The following CMSS1 variants were observed in gnomAD, a reference collection of about 807,000 sequenced individuals.
CMSS1 encodes the protein cms1 ribosomal small subunit homolog.
A neutral mutation model predicts 43.5 loss-of-function variants in CMSS1; 33 were observed. The observed-to-expected ratio is 0.76, with a 90% CI of 0.57 to 1.01. The LOEUF (loss-of-function observed/expected upper bound fraction) is 1.01. Ranked by LOEUF, CMSS1 falls within the 50% of genes least tolerant of loss-of-function variation. The pLI, the probability that CMSS1 is intolerant of heterozygous loss-of-function variation, is 0.00. For synonymous variants in CMSS1, 115 were observed against 117.2 expected (o/e 0.98, Z 0.12); for missense variants, 313 against 326.4 (o/e 0.96, Z 0.32).
At chr3:100,022,591 A>T (rs1419349612) in intron 1 of CMSS1, among the ~76,000 whole-genome samples, 5 of 152,228 alleles carry the variant, frequency 3.3e-5, no homozygotes, top group African/African-American at 1.2e-4. Context: ...TCACAAGTAC[A>T]TTCATGGAAT....
intron 1 of CMSS1, among the ~76,000 whole-genome samples, chr3:100,048,477 G>A (rs367680118): frequency 7.8e-4 from 119 of 152,228 alleles, no homozygotes; most frequent in Middle Eastern, 6.8e-3. Context: ...GCTGTGACAC[G>A]GAGCTCACTC....
intron 1 of CMSS1, among the ~76,000 whole-genome samples, chr3:99,937,323 C>T (rs534587984): frequency 2.1e-4 from 32 of 152,320 alleles, no homozygotes; most frequent in Admixed American, 4.6e-4. Flanking sequence ...AACATAAATT[C>T]ACAAACCCCT....
chr3:100,178,263 G>T (rs1202523784), intron 9 of CMSS1, 42 bp from the exon 10 acceptor site: 1 of 1,296,558 alleles, frequency 7.7e-7, no homozygotes, highest in Non-Finnish European at 1.1e-6. Context: ...GACCATTTTG[G>T]CTTGATCTTA....
chr3:99,947,742 G>GA (rs1448465235), intron 1 of CMSS1, among the ~76,000 whole-genome samples: 1 of 152,122 alleles, frequency 6.6e-6, no homozygotes, highest in Non-Finnish European at 1.5e-5. Flanking sequence ...AAGGTAAAAA[G>GA]AAAAATAGAA....
intron 1 of CMSS1, among the ~76,000 whole-genome samples, chr3:100,027,409 A>G (rs982809780): frequency 1.3e-5 from 2 of 152,190 alleles, no homozygotes; most frequent in African/African-American, 4.8e-5. Flanking sequence ...ACTCTTCAAT[A>G]GGCCAAACCT....
intron 1 of CMSS1, among the ~76,000 whole-genome samples, chr3:99,959,650 T>G (rs1221363909): frequency 6.6e-6 from 1 of 152,170 alleles, no homozygotes; most frequent in East Asian, 1.9e-4. Context: ...CTATAGCCTT[T>G]TAGAGATGGA....
At chr3:99,931,084 G>A (rs1297373962) in intron 1 of CMSS1, 1 of 1,455,940 alleles carries the variant, frequency 6.9e-7, no homozygotes, top group Non-Finnish European at 9.5e-7. Flanking sequence ...GTTTTAATAA[G>A]AGTACCTATT....
intron 1 of CMSS1, among the ~76,000 whole-genome samples, chr3:100,070,734 C>A (rs1422373520): frequency 6.6e-6 from 1 of 152,168 alleles, no homozygotes; most frequent in Non-Finnish European, 1.5e-5. Context: ...CGGGTTCAAG[C>A]AGTTCTCCTG....
At chr3:100,040,936 G>A (rs1374883387) in intron 1 of CMSS1, 3 of 152,104 alleles carry the variant, frequency 2.0e-5, no homozygotes, top group African/African-American at 7.2e-5. Flanking sequence ...ATTTTAAAAA[G>A]AAAAAGGTTT....
At chr3:99,828,859 C>T (rs1456683067) in intron 1 of CMSS1, among the ~76,000 whole-genome samples, 2 of 152,048 alleles carry the variant, frequency 1.3e-5, no homozygotes, top group Non-Finnish European at 2.9e-5. Flanking sequence ...CCTCCCCCTA[C>T]TGCCCTCTGC....
intron 1 of CMSS1, among the ~76,000 whole-genome samples, chr3:99,950,414 T>A (rs775843318): frequency 9.2e-5 from 14 of 152,184 alleles, no homozygotes; most frequent in Admixed American, 2.0e-4. Context: ...GTTAAGTAAG[T>A]TGCCCAAAGC....
intron 8 of CMSS1, among the ~76,000 whole-genome samples, chr3:100,173,636 A>G (rs1367504315): frequency 6.6e-6 from 1 of 152,242 alleles, no homozygotes; most frequent in Non-Finnish European, 1.5e-5. Flanking sequence ...TCTGCAGGGC[A>G]GGGTCTTTAA....
At chr3:100,066,532 T>C (rs1222276983) in intron 1 of CMSS1, among the ~76,000 whole-genome samples, 1 of 81,060 alleles carries the variant, frequency 1.2e-5, no homozygotes, top group East Asian at 3.2e-4. Context: ...TTTTTTTTTT[T>C]TTTTTTTTTT....
At chr3:100,160,623 T>A in intron 3 of CMSS1, 122 bp downstream of exon 3, 1 of 589,784 alleles carries the variant, frequency 1.7e-6, no homozygotes, top group South Asian at 2.1e-5. Context: ...CATTGTAAGA[T>A]TCTTTGAGGT....
intron 1 of CMSS1, among the ~76,000 whole-genome samples, chr3:99,961,798 C>T (rs926101689): frequency 1.3e-5 from 2 of 152,086 alleles, no homozygotes; most frequent in Non-Finnish European, 2.9e-5. Flanking sequence ...TTCTAGATGT[C>T]AAACATCTTT....
chr3:100,116,950 A>C (rs529430158), intron 1 of CMSS1, among the ~76,000 whole-genome samples: 77 of 152,316 alleles, frequency 5.1e-4, no homozygotes, highest in African/African-American at 1.8e-3. Flanking sequence ...TAAGAGTTTC[A>C]TGTTCTTTCT....
At chr3:99,854,457 C>G (rs954268042) in intron 1 of CMSS1, among the ~76,000 whole-genome samples, 6 of 152,090 alleles carry the variant, frequency 3.9e-5, no homozygotes, top group Non-Finnish European at 5.9e-5. Flanking sequence ...AATTCATTCC[C>G]TAAGAGCTGT....
intron 1 of CMSS1, among the ~76,000 whole-genome samples, chr3:99,941,642 A>G (rs1000725992): frequency 1.3e-5 from 2 of 152,214 alleles, no homozygotes; most frequent in Admixed American, 1.3e-4. Context: ...CCAACAAATA[A>G]TAGGGAATAA....
Position 100,171,717 on chromosome 3 carries a change from A to G in CMSS1, c.519-122A>G, listed in dbSNP as rs529403040. Reference sequence around the variant, plus strand: ...CAAATCTCAGAATTTGTATGTACATATGCACATATATACACACGTATGCAC... The same window carrying G: ...CAAATCTCAGAATTTGTATGTACATGTGCACATATATACACACGTATGCAC... On this transcript the variant is annotated intron_variant, in intron 6 of 9. Transcript: ENST00000421999. 103 of 748,182 alleles carry G rather than the reference A, an allele frequency of 1.4e-4. No homozygotes were observed. In the African/African-American group the frequency reaches 1.5e-3, roughly 11 times the overall value. 46.3% of individuals were successfully genotyped at this position (748,182 alleles called of 1,614,324 possible).
Sources: allele counts gnomAD v4.1 joint callset (sites outside exome capture counted in the v4.1 genomes callset), GRCh38; gene constraint gnomAD v4.1.1; transcripts MANE v1.5; gene names NCBI Gene and HGNC (gene_info 2026-07-23, HGNC 2026-07-21).